PIEZO1: variants seen among roughly 807,000 people sequenced by gnomAD.
PIEZO1 encodes the protein piezo-type mechanosensitive ion channel component 1.
In PIEZO1, 296 loss-of-function variants were observed where a neutral mutation model predicts 297.2. The ratio of observed to expected loss-of-function variants is 1.00; its 90% CI spans 0.91 to 1.10. The LOEUF (loss-of-function observed/expected upper bound fraction) is 1.10. Ranked by LOEUF, PIEZO1 falls within the 50% of genes least tolerant of loss-of-function variation. PIEZO1 has a pLI of 0.00. For missense variants in PIEZO1, 5,018 were observed against 3,455.5 expected (o/e 1.45, Z -11.34); for synonymous variants, 2,427 against 1,507.5 (o/e 1.61, Z -14.13).
At chr16:88,739,924 A>G (rs1905527191) in intron 5 of PIEZO1, 1 of 152,472 alleles carries the variant, frequency 6.6e-6, no homozygotes, top group Non-Finnish European at 1.5e-5. Context: ...TGGAAAGAAC[A>G]GAGGCAGCTG....
Position 88,727,539 on chromosome 16 carries a change from G to T in PIEZO1, c.3301+18C>A. 6 of 1,028,838 alleles carry T rather than the reference G, an allele frequency of 5.8e-6. No individual in the cohort carries two copies. Among genetic ancestry groups the T allele is most frequent in the South Asian group, 3.0e-5 (2 of 67,166 alleles). The allele number at this position is 1,028,838 out of a possible 1,614,324, so 63.7% of individuals were successfully genotyped here. The stretch of plus-strand genomic sequence containing the variant: ...CTGAGGGTCCTCTGCAGAGGCGGGG[G>T]TGGTGGGGGGCACTCACTGATGAGG... On this transcript the variant is annotated intron_variant, in intron 23 of 50. Transcript: ENST00000301015.
intron 1 of PIEZO1, among the ~76,000 whole-genome samples, chr16:88,767,204 G>C (rs1907218440): frequency 6.6e-6 from 1 of 152,126 alleles, no homozygotes. Flanking sequence ...CATGAGTCTC[G>C]GGACATCCTT....
chr16:88,732,526 G>C lies in PIEZO1; in HGVS notation c.2800C>G (p.Gln934Glu), dbSNP rs1278541325. ...TCGAATACCAGCAGCAGCAGCACTT[G>C]CAGGTGGTTCTGCGGAGGGCAAGGG... ...PNLGYIQNHL[Q>E]VLLLLVFEAI... Residue 934 changes from glutamine to glutamate, a missense_variant, in exon 21 of 51, where the codon CAA (glutamine) becomes GAA (glutamate). Transcript: ENST00000301015. The C allele has an allele frequency of 1.3e-6, 2 of 1,546,738 alleles. No individual in the cohort carries two copies. Among genetic ancestry groups the C allele is most frequent in the East Asian group, 2.5e-5 (1 of 40,802 alleles).
Position 88,723,230 on chromosome 16 carries a change from G to C in PIEZO1, c.4434C>G (p.Pro1478=), listed in dbSNP as rs1323390371. ...TCCCCACGCCCCCCAGCTCACCTGT[G>C]GGTAGCTGTCCTGCCTGTTCCTGCC... ...QARQEQAGQL[P]TGGGPSQEVE... Residue 1478 remains proline (P), a synonymous_variant, in exon 32 of 51, where the codon CCC becomes CCG. Transcript: ENST00000301015. 1.3e-6 allele frequency: 2 copies of C among 1,547,402 alleles called. No individual in the cohort carries two copies. The highest frequency in any genetic ancestry group is 1.7e-6 in the Non-Finnish European group (2 of 1,146,834).
chr16:88,735,138 T>C lies in PIEZO1; in HGVS notation c.1666A>G (p.Thr556Ala), dbSNP rs1337944527. The change falls in exon 13 of 51, where the codon ACA becomes GCA. Residue 556 changes from threonine (T) to alanine (A), a missense_variant. Physicochemically the swap from Thr to Ala is moderately conservative, Grantham distance 58. Coordinates refer to ENST00000301015, the MANE Select transcript of PIEZO1 (RefSeq NM_001142864.4). ...CCGCCTCTGGCCCACCACTCACCTGTGTCTGCCACGGTGACCTCCGTCAGC... is the reference window on the plus strand; with the variant it reads ...CCGCCTCTGGCCCACCACTCACCTGCGTCTGCCACGGTGACCTCCGTCAGC... ...AALTEVTVAD[T>A]EPTRTQTLLQ... 12 of 1,549,608 alleles carry C rather than the reference T, an allele frequency of 7.7e-6. No homozygotes were observed. Among genetic ancestry groups the C allele is most frequent in the African/African-American group, 5.5e-5 (4 of 73,050 alleles).
intron 35 of PIEZO1, 81 bp downstream of exon 35, chr16:88,722,502 G>A: frequency 2.1e-6 from 3 of 1,424,178 alleles, no homozygotes; most frequent in Non-Finnish European, 2.8e-6. Flanking sequence ...GGGTACAAGG[G>A]AATGGCGAGG....
intron 1 of PIEZO1, among the ~76,000 whole-genome samples, chr16:88,776,508 C>T (rs1411805284): frequency 6.6e-6 from 1 of 151,878 alleles, no homozygotes; most frequent in Admixed American, 6.5e-5. Context: ...CCCAGCTTCC[C>T]TTGGAGGGGC....
At chr16:88,739,075 G>A (rs1411176287) in intron 5 of PIEZO1, 2 of 293,986 alleles carry the variant, frequency 6.8e-6, no homozygotes, top group East Asian at 6.7e-5. Context: ...TCATCTCCCC[G>A]AACCACGCAC....
intron 1 of PIEZO1, among the ~76,000 whole-genome samples, chr16:88,757,318 G>GC (rs1491171838): frequency 2.9e-5 from 3 of 103,370 alleles, no homozygotes; most frequent in Non-Finnish European, 5.7e-5. Flanking sequence ...GGCGTTGCTG[G>GC]CGGGGGGGTG....
Position 88,737,861 on chromosome 16 carries a change from C to T in PIEZO1, c.1021-47G>A, listed in dbSNP as rs755314626. The T allele has an allele frequency of 2.3e-5, 35 of 1,533,536 alleles. No individual in the cohort carries two copies. The South Asian group carries it at 4.0e-4, about 18-fold the overall frequency. The allele number at this position is 1,533,536 out of a possible 1,614,324, so 95.0% of individuals were successfully genotyped here. A position where few individuals can be genotyped will look rare whatever the true frequency, so the allele number is the denominator to read the frequency against. ...GCCCAAACCAGCTCCACACCCCACC[C>T]AGAGGCAGGAGGTCCTGAGACCAGC... On this transcript the variant is annotated intron_variant, in intron 8 of 50. Transcript: ENST00000301015.
Position 88,715,971 on chromosome 16 carries a change from C to T in PIEZO1, c.7278G>A (p.Lys2426=). The change falls in exon 50 of 51, where the codon AAG becomes AAA. Residue 2426 remains lysine, a synonymous_variant. Transcript: ENST00000301015. ...NLLPMVIFSD[K]VSPPSLGFLA... ...GGAAGCCGAGGCTCGGTGGGCTGAC[C>T]TTGTCACTGAAAATGACCATGGGCA... 2 of 1,550,120 alleles carry T rather than the reference C, an allele frequency of 1.3e-6. No homozygotes were observed. Among genetic ancestry groups the T allele is most frequent in the East Asian group, 2.4e-5 (1 of 40,912 alleles).
chr16:88,776,904 G>A (rs542649378), intron 1 of PIEZO1, among the ~76,000 whole-genome samples: 21 of 152,344 alleles, frequency 1.4e-4, no homozygotes, highest in South Asian at 1.2e-3. Flanking sequence ...GGAGATCTGG[G>A]CCCGGCTCAC....
At position 88,722,948 on chromosome 16, in the gene PIEZO1, C is replaced by G; in HGVS notation, c.4557G>C (p.Gln1519His). The G allele has an allele frequency of 6.5e-7, 1 of 1,549,296 alleles. No homozygotes were observed. ...AGCGTGTCAGCTCATCCACTAGCGC[C>G]TGCCCCAGCATCCACAGGAACTGCG... ...STAQFLWMLGQALVDELTRWL... is the reference protein window; with the variant it reads ...STAQFLWMLGHALVDELTRWL... The change falls in exon 34 of 51, where the codon CAG (glutamine) becomes CAC (histidine). Residue 1519 changes from glutamine (Q) to histidine (H), a missense_variant. Coordinates refer to ENST00000301015, the MANE Select transcript of PIEZO1 (RefSeq NM_001142864.4).
chr16:88,742,411 G>C lies in PIEZO1; in HGVS notation c.172C>G (p.Arg58Gly), dbSNP rs778920824. Residue 58 changes from arginine (R) to glycine (G), a missense_variant, in exon 3 of 51, where the codon CGC becomes GGC. Coordinates refer to ENST00000301015, the MANE Select transcript of PIEZO1 (RefSeq NM_001142864.4). Reference protein sequence around the residue: ...TRCGLQGHTGRLLRALLGLSL... With the variant: ...TRCGLQGHTGGLLRALLGLSL... ...AGGCCCAGCAATGCCCGCAGGAGGC[G>C]GCCTGTGTGACCTGCGGCAGAGCGA... 28 of 1,534,882 alleles carry C rather than the reference G, an allele frequency of 1.8e-5. No individual in the cohort carries two copies. The highest frequency in any genetic ancestry group is 2.4e-5 in the Non-Finnish European group (28 of 1,146,610).
rs149741053 is a variant in PIEZO1, at chr16:88,780,091, C to T, written c.64+4810G>A. ...GCAAGATAGGGTCGGCTGCTGCCCACGAGCCGCCACCAGGTCGGCCACCCC... is the reference window on the plus strand; with the variant it reads ...GCAAGATAGGGTCGGCTGCTGCCCATGAGCCGCCACCAGGTCGGCCACCCC... On this transcript the variant is annotated intron_variant, in intron 1 of 50. Transcript: ENST00000301015. Among the ~76,000 whole-genome samples the T allele has an allele frequency of 2.3e-3, 354 of 152,294 alleles. 1 individual carries two copies. Among genetic ancestry groups the T allele is most frequent in the Non-Finnish European group, 4.4e-3 (301 of 68,024 alleles).
intron 44 of PIEZO1, 150 bp from the exon 45 acceptor site, chr16:88,717,361 G>A (rs1198819504): frequency 1.6e-5 from 11 of 692,342 alleles, no homozygotes; most frequent in Non-Finnish European, 2.8e-5. Context: ...ACACAGGCCA[G>A]TGGAGTAGAA....
intron 2 of PIEZO1, among the ~76,000 whole-genome samples, chr16:88,748,487 C>CG (rs1491229884): frequency 8.1e-5 from 4 of 49,314 alleles, no homozygotes; most frequent in East Asian, 3.3e-3. Context: ...GGGGTCTCAG[C>CG]TCCCCCCCCC....
At chr16:88,735,805 C>CT (rs2098107141) in intron 12 of PIEZO1, among the ~76,000 whole-genome samples, 1 of 151,452 alleles carries the variant, frequency 6.6e-6, no homozygotes, top group Non-Finnish European at 1.5e-5. Flanking sequence ...CTCACACACA[C>CT]TGTCAGGGGC....
intron 25 of PIEZO1, 29 bp from the exon 26 acceptor site, chr16:88,726,672 G>A (rs758626204): frequency 6.5e-7 from 1 of 1,546,508 alleles, no homozygotes; most frequent in Non-Finnish European, 8.7e-7. Context: ...AGCGGGGCCA[G>A]CGGGGCCCCA....
Sources: allele counts gnomAD v4.1 joint callset (sites outside exome capture counted in the v4.1 genomes callset), GRCh38; gene constraint gnomAD v4.1.1; transcripts MANE v1.5; gene names NCBI Gene and HGNC (gene_info 2026-07-23, HGNC 2026-07-21).